Variants in BNIP2 observed in about 807,000 individuals in gnomAD.
BNIP2 encodes BCL2 interacting protein 2, also known as BCL2/adenovirus E1B 19 kDa protein-interacting protein 2.
A neutral mutation model predicts 43.4 loss-of-function variants in BNIP2; 36 were observed. The observed-to-expected ratio is 0.83, with a 90% CI of 0.64 to 1.10. The LOEUF (loss-of-function observed/expected upper bound fraction) is 1.10. BNIP2 is among the 50% of genes least tolerant of loss of function. The pLI is 0.00. For missense variants in BNIP2, 417 were observed against 374.1 expected, an observed-to-expected ratio of 1.11 and a Z score of -0.95; for synonymous variants, 146 against 121.0, an observed-to-expected ratio of 1.21 and a Z score of -1.35.
intron 8 of BNIP2, 109 bp downstream of exon 8, chr15:59,669,166 CA>C (rs1354555307): frequency 3.0e-6 from 3 of 1,010,838 alleles, no homozygotes; most frequent in Non-Finnish European, 4.4e-6. Context: ...AATGTATACA[CA>C]TATCAAAATA....
chr15:59,672,416 G>C (rs1326064425), intron 6 of BNIP2: 1 of 374,194 alleles, frequency 2.7e-6, no homozygotes, highest in African/African-American at 2.1e-5. Context: ...TGGGGCTACA[G>C]GCCCATACTA....
chr15:59,672,761 G>T, intron 5 of BNIP2, 22 bp from the exon 6 acceptor site: 1 of 1,580,368 alleles, frequency 6.3e-7, no homozygotes. Flanking sequence ...ACCAAAGACA[G>T]TATCACCAGC....
At chr15:59,677,583 G>A (rs1284408518) in intron 5 of BNIP2, among the ~76,000 whole-genome samples, 1 of 152,172 alleles carries the variant, frequency 6.6e-6, no homozygotes, top group African/African-American at 2.4e-5. Flanking sequence ...TATGTCAAAA[G>A]TAATGTCAGC....
intron 5 of BNIP2, chr15:59,676,973 CT>C: frequency 6.2e-7 from 1 of 1,613,496 alleles, no homozygotes; most frequent in Non-Finnish European, 8.5e-7. Context: ...CTTCATCACC[CT>C]CTTAGGTCTG....
intron 1 of BNIP2, among the ~76,000 whole-genome samples, chr15:59,683,649 T>A (rs1267215970): frequency 2.0e-5 from 3 of 152,104 alleles, no homozygotes; most frequent in African/African-American, 7.2e-5. Flanking sequence ...AAACCCAGTC[T>A]CTACTAAAAA....
intron 4 of BNIP2, chr15:59,678,620 TCTATTTAAATTAGCATTAG>T: frequency 8.7e-7 from 1 of 1,145,882 alleles, no homozygotes; most frequent in Non-Finnish European, 1.1e-6. Flanking sequence ...CATGCAGAAG[TCTATTTAAATTAGCATTAG>T]CCAAAGCATA....
At chr15:59,681,323 A>C (rs1893652634) in intron 2 of BNIP2, among the ~76,000 whole-genome samples, 1 of 152,066 alleles carries the variant, frequency 6.6e-6, no homozygotes, top group Non-Finnish European at 1.5e-5. Flanking sequence ...TCATTAGCCT[A>C]CCTGGTGCCA....
intron 5 of BNIP2, among the ~76,000 whole-genome samples, chr15:59,673,603 A>AT (rs543381077): frequency 6.6e-6 from 1 of 151,720 alleles, no homozygotes; most frequent in African/African-American, 2.4e-5. Flanking sequence ...CCTTTATAAA[A>AT]TTTTTTTTGT....
chr15:59,681,597 C>T (rs370501554), intron 2 of BNIP2, among the ~76,000 whole-genome samples: 9 of 152,082 alleles, frequency 5.9e-5, no homozygotes, highest in East Asian at 3.9e-4. Flanking sequence ...TACAGGCGAG[C>T]GCCAAGCCTG....
chr15:59,683,868 T>A (rs1893852220), intron 1 of BNIP2, among the ~76,000 whole-genome samples: 1 of 152,142 alleles, frequency 6.6e-6, no homozygotes, highest in Admixed American at 6.5e-5. Flanking sequence ...TCATAGTAAG[T>A]CCGTCTATAC....
intron 4 of BNIP2, 166 bp downstream of exon 4, chr15:59,679,426 A>T: frequency 1.6e-6 from 1 of 631,552 alleles, no homozygotes; most frequent in Non-Finnish European, 2.4e-6. Flanking sequence ...GAAAAAAGCC[A>T]CTGGTGTACT....
chr15:59,680,153 A>ATTT, intron 3 of BNIP2, 88 bp downstream of exon 3: 1 of 914,586 alleles, frequency 1.1e-6, no homozygotes, highest in Admixed American at 3.3e-5. Flanking sequence ...TAAAAACTCA[A>ATTT]GTTTTTTTTT....
In BNIP2 at chr15:59,689,227, G is replaced by C. The variant is rs1338232613; in HGVS notation, c.-150C>G. The stretch of plus-strand genomic sequence containing the variant: ...AGGTCGCAAAAAGCAGGGCCGAGCG[G>C]AGCCCGCTCCCCTCGGTCGGCGGTG... On this transcript the variant is annotated 5_prime_UTR_variant, in exon 1 of 10. Transcript: ENST00000607373. 9.7e-6 allele frequency: 15 copies of C among 1,541,322 alleles called. No individual in the cohort carries two copies. The highest frequency in any genetic ancestry group is 4.9e-5 in the East Asian group (2 of 40,852).
intron 5 of BNIP2, chr15:59,677,270 G>A (rs1185991686): frequency 1.9e-5 from 31 of 1,594,104 alleles, no homozygotes; most frequent in Non-Finnish European, 2.4e-5. Context: ...AAGTATACAG[G>A]AGCTGCCAGG....
At chr15:59,664,379 C>CT (rs540510322) in intron 9 of BNIP2, among the ~76,000 whole-genome samples, 117 of 148,982 alleles carry the variant, frequency 7.9e-4, no homozygotes, top group African/African-American at 2.3e-3. Flanking sequence ...TGCATATAAA[C>CT]TTTTTTTTTT....
intron 4 of BNIP2, 100 bp downstream of exon 4, chr15:59,679,492 C>G (rs1407893541): frequency 7.6e-7 from 1 of 1,307,478 alleles, no homozygotes; most frequent in Non-Finnish European, 1.0e-6. Context: ...AATTTCCTAT[C>G]TTAGTAACAA....
At chr15:59,676,758 T>C (rs929493794) in intron 5 of BNIP2, 5 of 1,451,536 alleles carry the variant, frequency 3.4e-6, no homozygotes, top group African/African-American at 2.8e-5. Context: ...TGGGGTGTCA[T>C]GGAGGATGAG....
chr15:59,686,329 G>C (rs1486629748), intron 1 of BNIP2, among the ~76,000 whole-genome samples: 2 of 152,128 alleles, frequency 1.3e-5, no homozygotes, highest in African/African-American at 4.8e-5. Flanking sequence ...GTGGGAAGAT[G>C]GTTTAAGCCC....
intron 4 of BNIP2, chr15:59,678,419 T>C: frequency 9.3e-7 from 1 of 1,075,576 alleles, no homozygotes; most frequent in Non-Finnish European, 1.1e-6. Context: ...CAGATTCAAC[T>C]TGTGACAATA....
Sources: gnomAD v4.1 joint callset for allele counts (sites outside exome capture counted in the v4.1 genomes callset) on GRCh38, gnomAD v4.1.1 for gene constraint, MANE v1.5 for transcripts, NCBI Gene and HGNC (gene_info 2026-07-23, HGNC 2026-07-21) for gene names.